PRSS50: variants seen among roughly 807,000 people sequenced by gnomAD.
PRSS50 encodes probable threonine protease PRSS50.
PRSS50 carries 23 observed loss-of-function variants against 34.2 expected under a neutral mutation model. The ratio of observed to expected loss-of-function variants is 0.67; its 90% CI spans 0.48 to 0.95. The LOEUF (loss-of-function observed/expected upper bound fraction) is 0.95, where lower values mean the gene tolerates loss of function less well. Among genes scored for constraint, PRSS50 ranks in the 40% least tolerant of loss-of-function variants. The pLI is 0.00. For synonymous variants in PRSS50, 224 were observed against 211.2 expected (o/e 1.06, Z -0.53); for missense variants, 484 against 513.4 (o/e 0.94, Z 0.55).
intron 5 of PRSS50, among the ~76,000 whole-genome samples, 185 bp from the exon 6 acceptor site, chr3:46,712,667 C>T (rs1575471768): frequency 1.3e-5 from 2 of 151,334 alleles, no homozygotes; most frequent in East Asian, 3.9e-4. Flanking sequence ...CTCTTAACAC[C>T]CACCCTCCAT....
Position 46,714,504 on chromosome 3 carries a change from A to T in PRSS50, c.471-3T>A. ...TCACTGAGTAGATAACATCACGCCT[A>T]GGGGGGCCGTGAGGGGAGGCCATGA... On this transcript the variant is annotated splice_polypyrimidine_tract_variant and splice_region_variant and intron_variant, in intron 3 of 5. Transcript: ENST00000315170. 6.4e-7 allele frequency: 1 copy of T among 1,574,622 alleles called. No homozygotes were observed. Among genetic ancestry groups the T allele is most frequent in the Non-Finnish European group, 8.6e-7 (1 of 1,161,396 alleles).
In PRSS50 at chr3:46,717,368, C is replaced by T. The variant is rs1238801783; in HGVS notation, c.307+69G>A. 4.5e-6 allele frequency: 7 copies of T among 1,565,754 alleles called. No homozygotes were observed. The East Asian group carries it at 1.3e-4, about 30-fold the overall frequency. ...CCCCGTCCCTTCTGCTCCCCTAGCC[C>T]CAGCCAAGGTCCTTAAGACTCCTCT... is the stretch of plus-strand genomic sequence containing the variant. On this transcript the variant is annotated intron_variant, in intron 2 of 5. Transcript: ENST00000315170. This position sits in a 1 kb window ranked among gnomAD's most constrained non-coding sequence, Gnocchi z 4.5.
At chr3:46,713,267 G>A (rs1172208588) in intron 4 of PRSS50, among the ~76,000 whole-genome samples, 200 bp from the exon 5 acceptor site, 1 of 152,152 alleles carries the variant, frequency 6.6e-6, no homozygotes, top group Non-Finnish European at 1.5e-5. Flanking sequence ...CAGCCTTGCC[G>A]GGCCTGCTCT....
chr3:46,717,355 T>G lies in PRSS50; in HGVS notation c.307+82A>C. 1 of 1,508,756 alleles carries G rather than the reference T, an allele frequency of 6.6e-7. No individual in the cohort carries two copies. Among genetic ancestry groups the G allele is most frequent in the Non-Finnish European group, 9.1e-7 (1 of 1,095,310 alleles). The allele number at this position is 1,508,756 out of a possible 1,614,324, so 93.5% of individuals were successfully genotyped here. Reference sequence around the variant, plus strand: ...CTATCCTGCTCGCCCCCGTCCCTTCTGCTCCCCTAGCCCCAGCCAAGGTCC... The same window carrying G: ...CTATCCTGCTCGCCCCCGTCCCTTCGGCTCCCCTAGCCCCAGCCAAGGTCC... On this transcript the variant is annotated intron_variant, in intron 2 of 5. Transcript: ENST00000315170. This position sits in a 1 kb window ranked among gnomAD's most constrained non-coding sequence, Gnocchi z 4.5.
chr3:46,715,661 C>T lies in PRSS50; in HGVS notation c.344G>A (p.Arg115Lys), dbSNP rs1700672360. The T allele has an allele frequency of 1.2e-6, 2 of 1,610,414 alleles. No homozygotes were observed. Among genetic ancestry groups the T allele is most frequent in the Admixed American group, 1.7e-5 (1 of 59,680 alleles). ...CCGCCGAGCCACGGCTTCTGGGTCC[C>T]TGAGGGTGGGGTCCTGCTCGTAGGA... is the stretch of plus-strand genomic sequence containing the variant. ...GFSYEQDPTL[R>K]DPEAVARRWP... Residue 115 changes from arginine (R) to lysine (K), a missense_variant, in exon 3 of 6, where the codon AGG (arginine) becomes AAG (lysine). Physicochemically the swap from Arg to Lys is conservative, Grantham distance 26 (BLOSUM62 2). Coordinates refer to ENST00000315170, the MANE Select transcript of PRSS50 (RefSeq NM_013270.5). This position sits in a 1 kb window ranked among gnomAD's most constrained non-coding sequence, Gnocchi z 5.2.
intron 4 of PRSS50, 137 bp downstream of exon 4, chr3:46,714,081 G>T: frequency 8.7e-7 from 1 of 1,145,546 alleles, no homozygotes; most frequent in Non-Finnish European, 1.2e-6. Context: ...AGAGATGAGA[G>T]CCTGGCAGGA....
chr3:46,717,319 G>A lies in PRSS50; in HGVS notation c.307+118C>T. ...AGTGCTCAATGAACACCTGTAGAAG[G>A]AGGCGCTCCTCTATCCTGCTCGCCC... On this transcript the variant is annotated intron_variant, in intron 2 of 5. Transcript: ENST00000315170. This position sits in a 1 kb window ranked among gnomAD's most constrained non-coding sequence, Gnocchi z 4.5. 1.8e-6 allele frequency: 2 copies of A among 1,138,068 alleles called. No individual in the cohort carries two copies. The highest frequency in any genetic ancestry group is 2.5e-6 in the Non-Finnish European group (2 of 798,688). The allele number at this position is 1,138,068 out of a possible 1,614,324, so 70.5% of individuals were successfully genotyped here. A position where few individuals can be genotyped will look rare whatever the true frequency, so the allele number is the denominator to read the frequency against.
Position 46,716,937 on chromosome 3 carries a change from A to G in PRSS50, c.307+500T>C, listed in dbSNP as rs1700691875. 6.6e-6 allele frequency among the ~76,000 whole-genome samples: 1 copy of G among 152,218 alleles called. No homozygotes were observed. The highest frequency in any genetic ancestry group is 2.4e-5 in the African/African-American group (1 of 41,464). On this transcript the variant is annotated intron_variant, in intron 2 of 5. Transcript: ENST00000315170. This position sits in a 1 kb window ranked among gnomAD's most constrained non-coding sequence, Gnocchi z 4.4. The stretch of plus-strand genomic sequence containing the variant: ...AGTTAAATGCTATGTGCTGAGTCCC[A>G]GTCTTATGTGGGTCTGTTAAACATG...
intron 5 of PRSS50, among the ~76,000 whole-genome samples, chr3:46,712,698 CCT>C (rs952786216): frequency 6.6e-6 from 1 of 150,620 alleles, no homozygotes; most frequent in Admixed American, 6.6e-5. Flanking sequence ...ACCCCCCACT[CCT>C]CTCACCTCCA....
chr3:46,717,848 C>T lies in PRSS50; in HGVS notation c.-24G>A, dbSNP rs1700706574. The T allele has an allele frequency of 6.8e-7, 1 of 1,475,316 alleles. No homozygotes were observed. Among genetic ancestry groups the T allele is most frequent in the Non-Finnish European group, 9.0e-7 (1 of 1,115,896 alleles). 91.4% of individuals were successfully genotyped at this position (1,475,316 alleles called of 1,614,324 possible). On this transcript the variant is annotated 5_prime_UTR_variant, in exon 1 of 6. Coordinates refer to ENST00000315170, the MANE Select transcript of PRSS50 (RefSeq NM_013270.5). The surrounding 1 kb of genome is among the most constrained non-coding windows in gnomAD (Gnocchi z 4.5). ...ATCCCGGGGTGGCAGCCGACTGCGT[C>T]TCTCCGGAAGGCGCTCCCAGTGCCG...
Position 46,715,842 on chromosome 3 carries a change from TC to T in PRSS50, c.308-146del. The T allele has an allele frequency of 1.1e-6, 1 of 881,574 alleles. No individual in the cohort carries two copies. Among genetic ancestry groups the T allele is most frequent in the Non-Finnish European group, 1.7e-6 (1 of 583,606 alleles). The allele number at this position is 881,574 out of a possible 1,614,324, so 54.6% of individuals were successfully genotyped here. A position where few individuals can be genotyped will look rare whatever the true frequency, so the allele number is the denominator to read the frequency against. The stretch of plus-strand genomic sequence containing the variant: ...CACCTGTCACCATGGAATGATGCTG[TC>T]CACATGTGGACTGGAGTCTCATGCC... On this transcript the variant is annotated intron_variant, in intron 2 of 5. Transcript: ENST00000315170. This position sits in a 1 kb window ranked among gnomAD's most constrained non-coding sequence, Gnocchi z 5.2.
chr3:46,715,727 G>A lies in PRSS50; in HGVS notation c.308-30C>T, dbSNP rs1273953033. On this transcript the variant is annotated intron_variant, in intron 2 of 5. Coordinates refer to ENST00000315170, the MANE Select transcript of PRSS50 (RefSeq NM_013270.5). This position sits in a 1 kb window ranked among gnomAD's most constrained non-coding sequence, Gnocchi z 5.2. The stretch of plus-strand genomic sequence containing the variant: ...GGAGGAAGGTGAGAGCTTGATGAGG[G>A]ATGGATCTTTCCCTGTCCCTCCCCT... 1 of 1,550,134 alleles carries A rather than the reference G, an allele frequency of 6.5e-7. No homozygotes were observed. Among genetic ancestry groups the A allele is most frequent in the Non-Finnish European group, 8.7e-7 (1 of 1,143,438 alleles).
chr3:46,717,548 G>A lies in PRSS50; in HGVS notation c.196C>T (p.Pro66Ser), dbSNP rs529434119. 1 of 1,613,874 alleles carries A rather than the reference G, an allele frequency of 6.2e-7. No individual in the cohort carries two copies. Among genetic ancestry groups the A allele is most frequent in the East Asian group, 2.2e-5 (1 of 44,876 alleles). The change falls in exon 2 of 6, where the codon CCT (proline) becomes TCT (serine). Residue 66 changes from proline (P) to serine (S), a missense_variant. Transcript: ENST00000315170. The surrounding 1 kb of genome is among the most constrained non-coding windows in gnomAD (Gnocchi z 4.5). ...CAGAGAAGGCGAGGCCGGCTGGAAGGACAGGTGGCCTTGGGGACACACTGG... is the reference window on the plus strand; with the variant it reads ...CAGAGAAGGCGAGGCCGGCTGGAAGAACAGGTGGCCTTGGGGACACACTGG... ...SVQCVPKATC[P>S]SSRPRLLWQT... is the part of the protein sequence containing the mutation.
chr3:46,715,270 G>C lies in PRSS50; in HGVS notation c.470+265C>G, dbSNP rs1253328713. Among the ~76,000 whole-genome samples the C allele has an allele frequency of 1.3e-5, 2 of 152,240 alleles. No individual in the cohort carries two copies. Among genetic ancestry groups the C allele is most frequent in the African/African-American group, 2.4e-5 (1 of 41,464 alleles). On this transcript the variant is annotated intron_variant, in intron 3 of 5. Coordinates refer to ENST00000315170, the MANE Select transcript of PRSS50 (RefSeq NM_013270.5). The surrounding 1 kb of genome is among the most constrained non-coding windows in gnomAD (Gnocchi z 5.2). ...TCTTCCCGTGGAGAGGAGGCATGAG[G>C]CCAGACAAATGGCTTCTGAGCTTCC...
At chr3:46,712,665 A>C (rs1700634927) in intron 5 of PRSS50, among the ~76,000 whole-genome samples, 183 bp from the exon 6 acceptor site, 1 of 139,572 alleles carries the variant, frequency 7.2e-6, no homozygotes, top group African/African-American at 2.7e-5. Flanking sequence ...ACCTCTTAAC[A>C]CCCACCCTCC....
Position 46,717,493 on chromosome 3 carries a change from G to C in PRSS50, c.251C>G (p.Ser84Trp). 1.2e-6 allele frequency: 2 copies of C among 1,613,942 alleles called. No individual in the cohort carries two copies. Among genetic ancestry groups the C allele is most frequent in the Non-Finnish European group, 1.7e-6 (2 of 1,180,014 alleles). The change falls in exon 2 of 6, where the codon TCG (serine) becomes TGG (tryptophan). Residue 84 changes from serine (S) to tryptophan (W), a missense_variant. By Grantham distance (177) the Ser-to-Trp change is radical. Coordinates refer to ENST00000315170, the MANE Select transcript of PRSS50 (RefSeq NM_013270.5). This position sits in a 1 kb window ranked among gnomAD's most constrained non-coding sequence, Gnocchi z 4.5. ...TGGGAATTGGGTCTCCATGGTGGTC[G>C]AGGGCAGTGTCTGGGTGGTCGGGGT... Reference protein sequence around the residue: ...WQTPTTQTLPSTTMETQFPVS... With the variant: ...WQTPTTQTLPWTTMETQFPVS...
In PRSS50 at chr3:46,714,515, G is replaced by A. The variant is rs773981777; in HGVS notation, c.471-14C>T. The A allele has an allele frequency of 1.3e-6, 2 of 1,556,672 alleles. No homozygotes were observed. The highest frequency in any genetic ancestry group is 1.7e-6 in the Non-Finnish European group (2 of 1,153,272). On this transcript the variant is annotated splice_polypyrimidine_tract_variant and intron_variant, in intron 3 of 5. Transcript: ENST00000315170. ...ATAACATCACGCCTAGGGGGGCCGT[G>A]AGGGGAGGCCATGATCAGCTCCAGG...
At position 46,712,316 on chromosome 3, in the gene PRSS50, G is replaced by T; in HGVS notation, c.1088C>A (p.Ala363Asp). Residue 363 changes from alanine (A) to aspartate (D), a missense_variant, in exon 6 of 6, where the codon GCC (alanine) becomes GAC (aspartate). Ala to Asp is a moderately radical substitution (Grantham distance 126). Transcript: ENST00000315170. ...CAGGGTCCTGGATGGGGCTGGCAGG[G>T]CCAGGGCCTGCCCGTTGAGGCAGTC... is the stretch of plus-strand genomic sequence containing the variant. Reference protein sequence around the residue: ...IWDCLNGQALALPAPSRTLLL... With the variant: ...IWDCLNGQALDLPAPSRTLLL... The T allele has an allele frequency of 1.2e-6, 2 of 1,613,292 alleles. No homozygotes were observed. Among genetic ancestry groups the T allele is most frequent in the South Asian group, 1.1e-5 (1 of 90,930 alleles).
chr3:46,716,807 G>A lies in PRSS50; in HGVS notation c.307+630C>T, dbSNP rs1327344311. 6.6e-6 allele frequency among the ~76,000 whole-genome samples: 1 copy of A among 152,236 alleles called. No homozygotes were observed. The highest frequency in any genetic ancestry group is 1.5e-5 in the Non-Finnish European group (1 of 68,040). On this transcript the variant is annotated intron_variant, in intron 2 of 5. Coordinates refer to ENST00000315170, the MANE Select transcript of PRSS50 (RefSeq NM_013270.5). This position sits in a 1 kb window ranked among gnomAD's most constrained non-coding sequence, Gnocchi z 4.4. Reference sequence around the variant, plus strand: ...CCAAATGGATTCGTGGATTGTAAATGTAAGTGGGCCGTGACCAGCCTTTTT... The same window carrying A: ...CCAAATGGATTCGTGGATTGTAAATATAAGTGGGCCGTGACCAGCCTTTTT...
Sources: allele counts gnomAD v4.1 joint callset (sites outside exome capture counted in the v4.1 genomes callset), GRCh38; gene constraint gnomAD v4.1.1; non-coding constraint Gnocchi (gnomAD v3.1); transcripts MANE v1.5; gene names NCBI Gene and HGNC (gene_info 2026-07-23, HGNC 2026-07-21).